USP25: variants seen among roughly 807,000 people sequenced by gnomAD.
USP25 encodes the protein ubiquitin specific peptidase 25, also known as ubiquitin carboxyl-terminal hydrolase 25.
USP25 carries 85 observed loss-of-function variants against 158.5 expected under a neutral mutation model. The ratio of observed to expected loss-of-function variants is 0.54; its 90% CI spans 0.45 to 0.64. The LOEUF (loss-of-function observed/expected upper bound fraction) is 0.64, where lower values mean the gene tolerates loss of function less well. Ranked by LOEUF, USP25 falls within the 30% of genes least tolerant of loss-of-function variation. USP25 has a pLI of 0.00. For synonymous variants in USP25, 464 were observed against 460.4 expected (o/e 1.01, Z -0.10); for missense variants, 1,242 against 1,327.3 (o/e 0.94, Z 1.00).
At chr21:15,841,796 G>A (rs948135250) in intron 17 of USP25, among the ~76,000 whole-genome samples, 4 of 152,142 alleles carry the variant, frequency 2.6e-5, no homozygotes, top group African/African-American at 9.7e-5. Flanking sequence ...TTTTGGGCTT[G>A]TCTCATCTAG....
chr21:15,739,771 G>T (rs2031866376), intron 1 of USP25, among the ~76,000 whole-genome samples: 1 of 152,114 alleles, frequency 6.6e-6, no homozygotes, highest in Admixed American at 6.5e-5. Flanking sequence ...ACCAAATTTG[G>T]CTTGTGAAAG....
At chr21:15,871,133 T>A (rs1809099768) in intron 23 of USP25, among the ~76,000 whole-genome samples, 1 of 152,182 alleles carries the variant, frequency 6.6e-6, no homozygotes, top group East Asian at 1.9e-4. Context: ...GTTATCAAAA[T>A]TTTTAGTTAT....
At chr21:15,842,762 T>C (rs1206305863) in intron 18 of USP25, among the ~76,000 whole-genome samples, 2 of 152,178 alleles carry the variant, frequency 1.3e-5, no homozygotes, top group South Asian at 2.1e-4. Context: ...GTCTTTCTGC[T>C]AGAGAATTCT....
chr21:15,741,409 T>C (rs937762124), intron 1 of USP25, among the ~76,000 whole-genome samples: 17 of 152,160 alleles, frequency 1.1e-4, no homozygotes, highest in Non-Finnish European at 2.1e-4. Flanking sequence ...ATTGTTATAG[T>C]ACTAAATTGT....
rs567636251 is a variant in USP25 at position 15,731,069 on chromosome 21, C to T, written c.45+631C>T. ...TGTTATTCCAGGAATCTTTTGTCCC[C>T]TAAGTTTGACCTTGTTCTTTCGTTC... On this transcript the variant is annotated intron_variant, in intron 1 of 25. Transcript: ENST00000400183. Among the ~76,000 whole-genome samples, 3 of 140,396 alleles carry T rather than the reference C, an allele frequency of 2.1e-5. No individual in the cohort carries two copies. In the South Asian group the frequency reaches 7.2e-4, roughly 34 times the overall value. The allele number at this position is 140,396 out of a possible 152,430, so 92.1% of individuals were successfully genotyped here. A position where few individuals can be genotyped will look rare whatever the true frequency, so the allele number is the denominator to read the frequency against.
chr21:15,824,537 CCTGTCTTT>C (rs1411083646), intron 11 of USP25, among the ~76,000 whole-genome samples: 1 of 151,768 alleles, frequency 6.6e-6, no homozygotes, highest in Non-Finnish European at 1.5e-5. Context: ...TCTCTGTCTT[CCTGTCTTT>C]CTGTCTTCCT....
chr21:15,747,557 G>T (rs1287890827), intron 1 of USP25, among the ~76,000 whole-genome samples: 1 of 151,858 alleles, frequency 6.6e-6, no homozygotes, highest in Non-Finnish European at 1.5e-5. Context: ...TAAATTAGTA[G>T]AGACTAACAA....
At chr21:15,825,148 T>C in intron 12 of USP25, 87 bp downstream of exon 12, 1 of 998,810 alleles carries the variant, frequency 1.0e-6, no homozygotes, top group Non-Finnish European at 1.5e-6. Flanking sequence ...TTGCTTTGAG[T>C]GATTTATAAT....
chr21:15,792,053 A>G (rs2035617277), intron 5 of USP25, among the ~76,000 whole-genome samples: 1 of 151,826 alleles, frequency 6.6e-6, no homozygotes, highest in African/African-American at 2.4e-5. Flanking sequence ...TATACTAGAC[A>G]GTGTTATTTA....
At chr21:15,801,452 A>G (rs1229284875) in intron 6 of USP25, among the ~76,000 whole-genome samples, 2 of 151,676 alleles carry the variant, frequency 1.3e-5, no homozygotes, top group East Asian at 3.9e-4. Flanking sequence ...CCATTCTGAG[A>G]CAATTACTTA....
intron 20 of USP25, among the ~76,000 whole-genome samples, chr21:15,853,806 A>G (rs2039006186): frequency 6.6e-6 from 1 of 151,980 alleles, no homozygotes; most frequent in African/African-American, 2.4e-5. Context: ...TTTTTTTAAT[A>G]CTTAACCGTG....
intron 20 of USP25, among the ~76,000 whole-genome samples, chr21:15,855,163 C>CT (rs1223099738): frequency 2.0e-5 from 3 of 151,952 alleles, no homozygotes; most frequent in Non-Finnish European, 2.9e-5. Context: ...ATTAAAATTT[C>CT]TTTTTTTGTA....
chr21:15,867,711 G>T (rs1039025608), intron 22 of USP25, among the ~76,000 whole-genome samples: 1 of 151,872 alleles, frequency 6.6e-6, no homozygotes, highest in African/African-American at 2.4e-5. Context: ...ATTCCCTTTT[G>T]CCAGTAAAAA....
Position 15,810,835 on chromosome 21 carries a change from A to G in USP25, c.858-302A>G, listed in dbSNP as rs531603215. ...TGAAATGTGTAATGATGATAGGAAG[A>G]GCAGGCACTTTGTGCACAAACTGTG... On this transcript the variant is annotated intron_variant, in intron 8 of 25. Coordinates refer to ENST00000400183, the MANE Select transcript of USP25 (RefSeq NM_001283041.3). Among the ~76,000 whole-genome samples the G allele has an allele frequency of 1.1e-3, 174 of 152,346 alleles. 2 individuals carry two copies. The highest frequency in any genetic ancestry group is 3.7e-3 in the African/African-American group (153 of 41,592).
At chr21:15,859,800 T>G (rs2039336094) in intron 20 of USP25, among the ~76,000 whole-genome samples, 1 of 151,950 alleles carries the variant, frequency 6.6e-6, no homozygotes, top group African/African-American at 2.4e-5. Flanking sequence ...ATCACCTTTC[T>G]TATTTCTACC....
At chr21:15,842,248 G>C (rs2038370257) in intron 17 of USP25, 150 bp from the exon 18 acceptor site, 1 of 701,294 alleles carries the variant, frequency 1.4e-6, no homozygotes, top group Non-Finnish European at 2.2e-6. Context: ...CTGGGAAGAA[G>C]TGCTATACGT....
At chr21:15,842,596 A>G in intron 18 of USP25, 56 bp downstream of exon 18, 1 of 1,586,884 alleles carries the variant, frequency 6.3e-7, no homozygotes, top group Non-Finnish European at 8.6e-7. Flanking sequence ...CATTTCCTCC[A>G]GTATAGTGGA....
intron 21 of USP25, among the ~76,000 whole-genome samples, chr21:15,864,949 G>A (rs1232787003): frequency 6.6e-6 from 1 of 152,014 alleles, no homozygotes; most frequent in African/African-American, 2.4e-5. Context: ...TTTCAGTCTT[G>A]CAGATAAAAT....
chr21:15,759,430 A>G (rs1471410924), intron 1 of USP25, among the ~76,000 whole-genome samples: 1 of 151,896 alleles, frequency 6.6e-6, no homozygotes, highest in Non-Finnish European at 1.5e-5. Flanking sequence ...GCTTGCTTTT[A>G]TACATTTTAA....
Sources: gnomAD v4.1 joint callset for allele counts (sites outside exome capture counted in the v4.1 genomes callset) on GRCh38, gnomAD v4.1.1 for gene constraint, MANE v1.5 for transcripts, NCBI Gene and HGNC (gene_info 2026-07-23, HGNC 2026-07-21) for gene names.